Variants in DENND1A observed in about 807,000 individuals in gnomAD.
The protein encoded by DENND1A is DENN domain containing 1A.
In DENND1A, 51 loss-of-function variants were observed where a neutral mutation model predicts 113.7. The ratio of observed to expected loss-of-function variants is 0.45; its 90% CI spans 0.36 to 0.57. The LOEUF (loss-of-function observed/expected upper bound fraction) is 0.57, where lower values mean the gene tolerates loss of function less well. Among genes scored for constraint, DENND1A ranks in the 20% least tolerant of loss-of-function variants. The probability of loss-of-function intolerance (pLI) is 0.00; values close to 1 mark genes in which losing one functional copy is unlikely to be tolerated. For synonymous variants in DENND1A, 565 were observed against 570.8 expected (o/e 0.99, Z 0.14); for missense variants, 1,258 against 1,395.9 (o/e 0.90, Z 1.57).
chr9:123,448,272 C>A (rs1305840271), intron 18 of DENND1A, among the ~76,000 whole-genome samples: 1 of 152,182 alleles, frequency 6.6e-6, no homozygotes, highest in South Asian at 2.1e-4. Flanking sequence ...AATCTTTGAA[C>A]AACCACATTA....
At chr9:123,872,141 A>G (rs1477788530) in intron 2 of DENND1A, among the ~76,000 whole-genome samples, 2 of 152,200 alleles carry the variant, frequency 1.3e-5, no homozygotes, top group African/African-American at 4.8e-5. Flanking sequence ...AAACCAATAC[A>G]CCAATTGGAG....
chr9:123,795,793 A>C (rs569343964), intron 2 of DENND1A, among the ~76,000 whole-genome samples: 60 of 152,338 alleles, frequency 3.9e-4, no homozygotes, highest in Non-Finnish European at 7.6e-4. Flanking sequence ...GTTCATCATC[A>C]AATGCAGTGT....
Position 123,903,520 on chromosome 9 carries a change from G to A in DENND1A, c.18-24499C>T, listed in dbSNP as rs578226133. 9.9e-5 allele frequency among the ~76,000 whole-genome samples: 15 copies of A among 152,186 alleles called. No homozygotes were observed. In the East Asian group the frequency reaches 1.4e-3, roughly 14 times the overall value. On this transcript the variant is annotated intron_variant, in intron 1 of 23. Coordinates refer to ENST00000394215, the MANE Select transcript of DENND1A (RefSeq NM_001352964.2). ...GCGCAGGTCAGTGGGTGCGGGCACC[G>A]TGCACGAGCTGAAGCAGGGTGAGGC...
chr9:123,772,885 T>C (rs1297846843), intron 3 of DENND1A, among the ~76,000 whole-genome samples: 2 of 152,182 alleles, frequency 1.3e-5, no homozygotes, highest in Non-Finnish European at 2.9e-5. Context: ...ACTGCTGACA[T>C]TATAAACCCC....
At chr9:123,670,948 G>A (rs2063734288) in intron 7 of DENND1A, among the ~76,000 whole-genome samples, 1 of 152,188 alleles carries the variant, frequency 6.6e-6, no homozygotes, top group Admixed American at 6.5e-5. Context: ...AGCAGTGCTG[G>A]GGGACGAGGG....
intron 11 of DENND1A, among the ~76,000 whole-genome samples, chr9:123,606,852 G>A (rs963550383): frequency 1.4e-4 from 21 of 152,222 alleles, no homozygotes; most frequent in Admixed American, 5.9e-4. Context: ...GAAGCAAACA[G>A]CTATTATTCA....
At chr9:123,642,093 T>C (rs538131666) in intron 9 of DENND1A, among the ~76,000 whole-genome samples, 38 of 152,336 alleles carry the variant, frequency 2.5e-4, no homozygotes, top group Admixed American at 2.3e-3. Flanking sequence ...GTGTCACAAA[T>C]GAACCTGTTG....
chr9:123,415,435 C>G (rs1056620254), intron 19 of DENND1A, among the ~76,000 whole-genome samples: 1 of 152,104 alleles, frequency 6.6e-6, no homozygotes, highest in Non-Finnish European at 1.5e-5. Flanking sequence ...CACCCTGGGG[C>G]TGGGGAGAGG....
chr9:123,883,669 T>G (rs1848614354), intron 1 of DENND1A, among the ~76,000 whole-genome samples: 1 of 152,190 alleles, frequency 6.6e-6, no homozygotes, highest in Non-Finnish European at 1.5e-5. Context: ...ATTTCAATAG[T>G]GCGTTTGCAA....
Position 123,924,529 on chromosome 9 carries a change from C to T in DENND1A, c.17+5360G>A, listed in dbSNP as rs1856767569. 2.6e-5 allele frequency among the ~76,000 whole-genome samples: 4 copies of T among 151,918 alleles called. No homozygotes were observed. In the South Asian group the frequency reaches 8.3e-4, roughly 32 times the overall value. On this transcript the variant is annotated intron_variant, in intron 1 of 23. Coordinates refer to ENST00000394215, the MANE Select transcript of DENND1A (RefSeq NM_001352964.2). ...AGTCAGGCATGGTGGCGGGCACCTG[C>T]AGTCCCAGCTACTTGGGAGGCTGAG... is the stretch of plus-strand genomic sequence containing the variant.
intron 3 of DENND1A, among the ~76,000 whole-genome samples, chr9:123,772,408 C>T (rs1408249530): frequency 6.6e-6 from 1 of 152,146 alleles, no homozygotes; most frequent in Non-Finnish European, 1.5e-5. Context: ...AACCAGTTAC[C>T]AACCCCTTTT....
At chr9:123,386,393 T>C (rs2042565591) in intron 22 of DENND1A, among the ~76,000 whole-genome samples, 1 of 151,190 alleles carries the variant, frequency 6.6e-6, no homozygotes, top group Non-Finnish European at 1.5e-5. Context: ...TTTTTTTTTT[T>C]TTTTTAAAGG....
chr9:123,671,404 C>T, intron 6 of DENND1A, 33 bp from the exon 7 acceptor site: 1 of 1,609,664 alleles, frequency 6.2e-7, no homozygotes, highest in South Asian at 1.1e-5. Context: ...GTAACAAAAG[C>T]AAGGCTGAGC....
chr9:123,648,544 C>T (rs1325273646), intron 9 of DENND1A, among the ~76,000 whole-genome samples: 1 of 152,138 alleles, frequency 6.6e-6, no homozygotes, highest in East Asian at 1.9e-4. Context: ...TAGTTCTGTA[C>T]TTATTTCCGA....
chr9:123,532,740 G>A (rs898156738), intron 13 of DENND1A, among the ~76,000 whole-genome samples: 1 of 152,150 alleles, frequency 6.6e-6, no homozygotes, highest in Non-Finnish European at 1.5e-5. Context: ...ACTAAAAGAT[G>A]CACAGAAAAC....
At chr9:123,622,800 C>T (rs903666496) in intron 10 of DENND1A, among the ~76,000 whole-genome samples, 2 of 152,140 alleles carry the variant, frequency 1.3e-5, no homozygotes, top group Non-Finnish European at 2.9e-5. Flanking sequence ...TTGTCACACA[C>T]ACAGTACTCA....
chr9:123,418,582 C>T (rs1336533971), intron 19 of DENND1A, among the ~76,000 whole-genome samples: 2 of 152,190 alleles, frequency 1.3e-5, no homozygotes, highest in Admixed American at 6.5e-5. Flanking sequence ...CAGGTGGTGA[C>T]TTGGGGGCAG....
At chr9:123,616,369 T>TCTTA (rs2060650342) in intron 10 of DENND1A, among the ~76,000 whole-genome samples, 1 of 152,238 alleles carries the variant, frequency 6.6e-6, no homozygotes, top group Non-Finnish European at 1.5e-5. Flanking sequence ...ACCATTATGC[T>TCTTA]ACTGTCGACA....
chr9:123,552,018 C>CGAGA (rs10657747), intron 13 of DENND1A, among the ~76,000 whole-genome samples: 13 of 118,656 alleles, frequency 1.1e-4, no homozygotes, highest in Admixed American at 2.4e-4. Context: ...AGAGCGAGAG[C>CGAGA]GAGAGAGAGA....
Sources: allele counts gnomAD v4.1 joint callset (sites outside exome capture counted in the v4.1 genomes callset), GRCh38; gene constraint gnomAD v4.1.1; transcripts MANE v1.5; gene names NCBI Gene and HGNC (gene_info 2026-07-23, HGNC 2026-07-21).